BCKDHB: variants seen among roughly 807,000 people sequenced by gnomAD.
BCKDHB encodes the protein 2-oxoisovalerate dehydrogenase subunit beta, mitochondrial.
In BCKDHB, 41 loss-of-function variants were observed where a neutral mutation model predicts 48.5. The observed-to-expected ratio is 0.85, with a 90% CI of 0.66 to 1.10. The LOEUF (loss-of-function observed/expected upper bound fraction) is 1.10, where lower values mean the gene tolerates loss of function less well. Among genes scored for constraint, BCKDHB ranks in the 50% least tolerant of loss-of-function variants. The pLI is 0.00. For missense variants in BCKDHB, 496 were observed against 494.2 expected, an observed-to-expected ratio of 1.00 and a Z score of -0.03; for synonymous variants, 201 against 174.8, an observed-to-expected ratio of 1.15 and a Z score of -1.18.
At chr6:80,387,896 G>T in the BCKDHB span, among the ~76,000 whole-genome samples, 90 of 152,308 alleles carry the variant, frequency 5.9e-4, no homozygotes, top group South Asian at 0.016. Flanking sequence ...AAACACACTG[G>T]ACTTATTGGT....
At chr6:80,250,522 G>GT (rs2127934079) in intron 8 of BCKDHB, among the ~76,000 whole-genome samples, 1 of 152,272 alleles carries the variant, frequency 6.6e-6, no homozygotes, top group African/African-American at 2.4e-5. Context: ...AAGAGAAGAG[G>GT]TTTTTCATCT....
chr6:80,388,468 T>G, the BCKDHB span, among the ~76,000 whole-genome samples: 1 of 152,198 alleles, frequency 6.6e-6, no homozygotes, highest in Non-Finnish European at 1.5e-5. Context: ...CATTTGACTA[T>G]GGGTCATCAA....
chr6:80,227,454 T>A (rs1172939349), intron 8 of BCKDHB, among the ~76,000 whole-genome samples: 1 of 152,238 alleles, frequency 6.6e-6, no homozygotes, highest in Non-Finnish European at 1.5e-5. Context: ...CTTTTCAATT[T>A]AATTTTGCTA....
At chr6:80,327,028 G>A (rs1474790) in intron 9 of BCKDHB, among the ~76,000 whole-genome samples, 124,592 of 152,024 alleles carry the variant, frequency 0.82, 51,620 homozygotes, top group Admixed American at 0.89. Context: ...GATTAGCAAG[G>A]TACTCTTTTT....
At chr6:80,430,630 A>G in the BCKDHB span, among the ~76,000 whole-genome samples, 13 of 152,024 alleles carry the variant, frequency 8.6e-5, no homozygotes, top group African/African-American at 2.9e-4. Context: ...GTATTCTGTG[A>G]TGGTAGTTTG....
At chr6:80,361,003 C>CAAAA in the BCKDHB span, among the ~76,000 whole-genome samples, 1 of 117,756 alleles carries the variant, frequency 8.5e-6, no homozygotes, top group Non-Finnish European at 1.7e-5. Flanking sequence ...GACTCCATCT[C>CAAAA]AAAAAAAAAA....
Position 80,344,345 on chromosome 6 carries a change from G to A in BCKDHB, c.*541G>A, listed in dbSNP as rs1770081494. 1.1e-5 allele frequency: 1 copy of A among 91,480 alleles called. No individual in the cohort carries two copies. Among genetic ancestry groups the A allele is most frequent in the Non-Finnish European group, 2.1e-5 (1 of 48,090 alleles). 5.7% of individuals were successfully genotyped at this position (91,480 alleles called of 1,614,324 possible). On this transcript the variant is annotated 3_prime_UTR_variant, in exon 10 of 10. Transcript: ENST00000320393. Reference sequence around the variant, plus strand: ...AGAAACATATCTAGCATATGTATATGTGATTTTTTTTTTTTTTTTGAGACC... The same window carrying A: ...AGAAACATATCTAGCATATGTATATATGATTTTTTTTTTTTTTTTGAGACC...
chr6:80,409,532 C>G, the BCKDHB span, among the ~76,000 whole-genome samples: 1 of 132,056 alleles, frequency 7.6e-6, no homozygotes, highest in Non-Finnish European at 1.6e-5. Flanking sequence ...TTGTAGGTCT[C>G]TAAGGACTTG....
At chr6:80,380,097 A>G in the BCKDHB span, among the ~76,000 whole-genome samples, 2 of 152,106 alleles carry the variant, frequency 1.3e-5, no homozygotes, top group Non-Finnish European at 2.9e-5. Context: ...TAAAATTCAT[A>G]TGGAACAACA....
At chr6:80,456,361 C>T in the BCKDHB span, among the ~76,000 whole-genome samples, 2 of 152,164 alleles carry the variant, frequency 1.3e-5, no homozygotes, top group Non-Finnish European at 2.9e-5. Flanking sequence ...CTTCCCTGCT[C>T]AGGTAAGAGG....
chr6:80,166,128 A>T (rs1432613758), intron 3 of BCKDHB, among the ~76,000 whole-genome samples: 3 of 152,180 alleles, frequency 2.0e-5, no homozygotes. Context: ...ACTCCAGTTT[A>T]TGCCTACTTT....
At chr6:80,203,259 C>A in intron 8 of BCKDHB, 47 bp downstream of exon 8, 2 of 1,308,152 alleles carry the variant, frequency 1.5e-6, no homozygotes, top group Non-Finnish European at 2.2e-6. Context: ...AAACCTTTGG[C>A]CAAATATGTT....
the BCKDHB span, chr6:80,356,566 A>G: frequency 1.3e-5 from 2 of 152,202 alleles, no homozygotes; most frequent in African/African-American, 4.8e-5. Context: ...TTGTGATTAC[A>G]ACTATTATTA....
the BCKDHB span, among the ~76,000 whole-genome samples, chr6:80,380,375 C>T: frequency 6.6e-6 from 1 of 152,096 alleles, no homozygotes; most frequent in Non-Finnish European, 1.5e-5. Flanking sequence ...GGAAAACTGG[C>T]TAGCTATCTG....
At chr6:80,430,400 C>CT in the BCKDHB span, among the ~76,000 whole-genome samples, 24 of 152,222 alleles carry the variant, frequency 1.6e-4, no homozygotes, top group African/African-American at 2.9e-4. Flanking sequence ...GGAGGATTTG[C>CT]TTTTTTTATG....
intron 6 of BCKDHB, among the ~76,000 whole-genome samples, chr6:80,178,042 T>A (rs762825072): frequency 2.0e-5 from 3 of 152,240 alleles, no homozygotes; most frequent in Non-Finnish European, 4.4e-5. Flanking sequence ...CTTTCCATGC[T>A]TACTGCCCTT....
At chr6:80,106,940 C>G (rs964024518) in intron 1 of BCKDHB, 51 bp downstream of exon 1, 4 of 1,563,202 alleles carry the variant, frequency 2.6e-6, no homozygotes, top group Non-Finnish European at 3.5e-6. Context: ...GACTCCCAGG[C>G]TCGCAGGCGC....
the BCKDHB span, chr6:80,440,993 A>G: frequency 1.3e-5 from 2 of 152,162 alleles, no homozygotes; most frequent in Admixed American, 6.6e-5. Flanking sequence ...ATTAACCTAC[A>G]GTGACACCTG....
At chr6:80,204,671 A>C (rs555264874) in intron 8 of BCKDHB, among the ~76,000 whole-genome samples, 28 of 152,080 alleles carry the variant, frequency 1.8e-4, no homozygotes, top group African/African-American at 6.0e-4. Flanking sequence ...ATCTATCTAT[A>C]TATATATAAA....
Sources: gnomAD v4.1 joint callset for allele counts (sites outside exome capture counted in the v4.1 genomes callset) on GRCh38, gnomAD v4.1.1 for gene constraint, MANE v1.5 for transcripts, NCBI Gene and HGNC (gene_info 2026-07-23, HGNC 2026-07-21) for gene names.